Variants in MINDY4 observed in about 807,000 individuals in gnomAD.
MINDY4 encodes MINDY lysine 48 deubiquitinase 4, also known as probable ubiquitin carboxyl-terminal hydrolase MINDY-4.
Under a neutral mutation model 87.0 loss-of-function variants are expected in MINDY4, and 68 were observed. The ratio of observed to expected loss-of-function variants is 0.78; its 90% CI spans 0.64 to 0.96. The LOEUF (loss-of-function observed/expected upper bound fraction) is 0.96. Ranked by LOEUF, MINDY4 falls within the 40% of genes least tolerant of loss-of-function variation. The probability of loss-of-function intolerance (pLI) is 0.00; values close to 1 mark genes in which losing one functional copy is unlikely to be tolerated. For synonymous variants in MINDY4, 379 were observed against 363.2 expected, an observed-to-expected ratio of 1.04 and a Z score of -0.50; for missense variants, 919 against 928.2, an observed-to-expected ratio of 0.99 and a Z score of 0.13.
intron 5 of MINDY4, among the ~76,000 whole-genome samples, chr7:30,812,170 A>G (rs1788019145): frequency 6.6e-6 from 1 of 151,794 alleles, no homozygotes; most frequent in Admixed American, 6.6e-5. Flanking sequence ...TCCTTATTCT[A>G]AGGAGATGCA....
chr7:30,780,391 A>G (rs1013598123), intron 2 of MINDY4: 1 of 152,222 alleles, frequency 6.6e-6, no homozygotes, highest in Admixed American at 6.5e-5. Context: ...AGTGTCTTTG[A>G]CATTCAAGCT....
chr7:30,876,868 G>GC (rs1185416646), intron 15 of MINDY4, among the ~76,000 whole-genome samples: 1 of 152,068 alleles, frequency 6.6e-6, no homozygotes, highest in Non-Finnish European at 1.5e-5. Context: ...TGCAGATAGC[G>GC]CCAGGCGATT....
intron 7 of MINDY4, among the ~76,000 whole-genome samples, chr7:30,837,077 C>T (rs2128566140): frequency 6.6e-6 from 1 of 152,254 alleles, no homozygotes; most frequent in African/African-American, 2.4e-5. Context: ...GGAAATGGTC[C>T]AGTTGTCCCC....
chr7:30,785,536 T>C (rs185814191), intron 3 of MINDY4, among the ~76,000 whole-genome samples: 5 of 152,350 alleles, frequency 3.3e-5, no homozygotes, highest in Admixed American at 3.3e-4. Flanking sequence ...ATTTGTTTGC[T>C]TGTTTACTGG....
intron 5 of MINDY4, among the ~76,000 whole-genome samples, chr7:30,825,413 G>A (rs1313722489): frequency 1.3e-5 from 2 of 152,196 alleles, no homozygotes; most frequent in African/African-American, 2.4e-5. Context: ...AGGCCAAGCT[G>A]TACCCTACCC....
intron 17 of MINDY4, among the ~76,000 whole-genome samples, chr7:30,887,236 T>A (rs1274642780): frequency 6.6e-6 from 1 of 152,116 alleles, no homozygotes; most frequent in East Asian, 1.9e-4. Flanking sequence ...GAGCATTCTC[T>A]GGGCGCTGTC....
chr7:30,859,575 T>G (rs1736016476), intron 13 of MINDY4, among the ~76,000 whole-genome samples: 1 of 152,180 alleles, frequency 6.6e-6, no homozygotes, highest in African/African-American at 2.4e-5. Flanking sequence ...CACCAGCCCT[T>G]GAGGAGCTTG....
chr7:30,782,061 A>G lies in MINDY4; in HGVS notation c.268A>G (p.Thr90Ala). The G allele has an allele frequency of 1.2e-6, 2 of 1,614,180 alleles. No individual in the cohort carries two copies. The highest frequency in any genetic ancestry group is 1.7e-6 in the Non-Finnish European group (2 of 1,180,030). Residue 90 changes from threonine to alanine, a missense_variant, in exon 3 of 18, where the codon ACT becomes GCT. Coordinates refer to ENST00000265299, the MANE Select transcript of MINDY4 (RefSeq NM_032222.3). ...DHFGNTANNFTQDTPIPALSV... is the reference protein window; with the variant it reads ...DHFGNTANNFAQDTPIPALSV... ...CTTTGGAAATACGGCTAACAATTTC[A>G]CTCAAGATACCCCAATCCCTGCACT...
At position 30,786,001 on chromosome 7, in the gene MINDY4, G is replaced by A. The variant is rs773559665; in HGVS notation, c.663+9G>A. 2.5e-6 allele frequency: 4 copies of A among 1,613,398 alleles called. No individual in the cohort carries two copies. The highest frequency in any genetic ancestry group is 1.3e-5 in the African/African-American group (1 of 74,912). ...TCGCCAGCTCCCCACAGGTGGGGCTGTTGCTCTTTCTGTTGTTATGGGACT... is the reference window on the plus strand; with the variant it reads ...TCGCCAGCTCCCCACAGGTGGGGCTATTGCTCTTTCTGTTGTTATGGGACT... On this transcript the variant is annotated intron_variant, in intron 4 of 17. Coordinates refer to ENST00000265299, the MANE Select transcript of MINDY4 (RefSeq NM_032222.3).
At chr7:30,800,039 G>T (rs1375268001) in intron 5 of MINDY4, among the ~76,000 whole-genome samples, 1 of 152,190 alleles carries the variant, frequency 6.6e-6, no homozygotes, top group Non-Finnish European at 1.5e-5. Flanking sequence ...CAACCTCCTA[G>T]ATGAGTTTGG....
At chr7:30,791,122 C>A in intron 4 of MINDY4, 43 bp from the exon 5 acceptor site, 1 of 1,525,580 alleles carries the variant, frequency 6.6e-7, no homozygotes, top group South Asian at 1.3e-5. Flanking sequence ...TTTTCCAGCT[C>A]CCCTCAAAGG....
At chr7:30,859,010 G>T in intron 12 of MINDY4, 1 of 703,278 alleles carries the variant, frequency 1.4e-6, no homozygotes, top group South Asian at 1.5e-5. Flanking sequence ...TGAGGACTCT[G>T]AGGTCACTGA....
At chr7:30,840,677 G>A (rs1789002374) in intron 8 of MINDY4, 83 bp from the exon 9 acceptor site, 1 of 1,160,216 alleles carries the variant, frequency 8.6e-7, no homozygotes, top group East Asian at 2.4e-5. Flanking sequence ...TCTATCAGGT[G>A]GGTTCTGGGG....
intron 5 of MINDY4, among the ~76,000 whole-genome samples, chr7:30,816,966 T>G (rs1260183686): frequency 6.6e-6 from 1 of 152,202 alleles, no homozygotes; most frequent in Non-Finnish European, 1.5e-5. Flanking sequence ...CTGTTAAAAT[T>G]GCTACACATT....
chr7:30,882,016 A>G (rs1382410908), intron 15 of MINDY4, among the ~76,000 whole-genome samples, 165 bp from the exon 16 acceptor site: 1 of 152,144 alleles, frequency 6.6e-6, no homozygotes. Flanking sequence ...GGCCCTGGGA[A>G]ACAGCCCAGT....
At chr7:30,821,615 A>G (rs1424692279) in intron 5 of MINDY4, among the ~76,000 whole-genome samples, 3 of 152,182 alleles carry the variant, frequency 2.0e-5, no homozygotes, top group African/African-American at 7.2e-5. Context: ...GCATGTCTGG[A>G]AAGTTCTTAG....
Position 30,839,252 on chromosome 7 carries a change from G to T in MINDY4, c.1292G>T (p.Trp431Leu). ...GSSFCCFNEE[W>L]KLQSFSFSNT... is the part of the protein sequence containing the mutation. ...AGCTTTTGCTGTTTCAATGAAGAAT[G>T]GAAACTTCAGAGTTTTTCCTTTAGT... The change falls in exon 8 of 18, where the codon TGG becomes TTG. Residue 431 changes from tryptophan to leucine, a missense_variant. Transcript: ENST00000265299. The T allele has an allele frequency of 6.2e-7, 1 of 1,612,610 alleles. No homozygotes were observed.
At chr7:30,852,052 G>T (rs1389898440) in intron 10 of MINDY4, among the ~76,000 whole-genome samples, 164 bp from the exon 11 acceptor site, 2 of 151,948 alleles carry the variant, frequency 1.3e-5, no homozygotes, top group East Asian at 3.9e-4. Flanking sequence ...CCAGCCTAGT[G>T]GGTGAGTTCA....
Position 30,771,440 on chromosome 7 carries a change from T to G in MINDY4, c.-54T>G. ...CCATACTGCGCCGGACAGACCCAGT[T>G]GCCTGGTGCTGCGGCCCGGCGTGGG... On this transcript the variant is annotated 5_prime_UTR_variant, in exon 1 of 18. Coordinates refer to ENST00000265299, the MANE Select transcript of MINDY4 (RefSeq NM_032222.3). 6.4e-7 allele frequency: 1 copy of G among 1,566,242 alleles called. No homozygotes were observed. The highest frequency in any genetic ancestry group is 8.7e-7 in the Non-Finnish European group (1 of 1,154,178).
Sources: gnomAD v4.1 joint callset for allele counts (sites outside exome capture counted in the v4.1 genomes callset) on GRCh38, gnomAD v4.1.1 for gene constraint, MANE v1.5 for transcripts, NCBI Gene and HGNC (gene_info 2026-07-23, HGNC 2026-07-21) for gene names.